The following AKR1C4 variants were observed in gnomAD, a reference collection of about 807,000 sequenced individuals.
AKR1C4 encodes 3-alpha-HSD1.
AKR1C4 carries 44 observed loss-of-function variants against 41.0 expected under a neutral mutation model. The observed-to-expected ratio is 1.07, with a 90% CI of 0.84 to 1.38. AKR1C4 has a LOEUF of 1.38. Among genes scored for constraint, AKR1C4 ranks in the 40% most tolerant of loss-of-function variants. The pLI is 0.00. For missense variants in AKR1C4, 438 were observed against 387.9 expected, an observed-to-expected ratio of 1.13 and a Z score of -1.09; for synonymous variants, 165 against 137.7, an observed-to-expected ratio of 1.20 and a Z score of -1.39.
intron 7 of AKR1C4, among the ~76,000 whole-genome samples, chr10:5,215,757 C>G (rs76072956): frequency 0.012 from 1,896 of 152,218 alleles, 26 homozygotes; most frequent in Non-Finnish European, 0.02. Flanking sequence ...CCTCATTAGC[C>G]TAAACTTAGT....
rs368641464 is a variant in AKR1C4, at chr10:5,213,150, G to A, written c.837G>A (p.Glu279=). The change falls in exon 7 of 9, where the codon GAG becomes GAA. Residue 279 remains glutamate (E), a synonymous_variant. Transcript: ENST00000263126. The stretch of plus-strand genomic sequence containing the variant: ...GCTACAATGAGCAGCGGATCAGAGA[G>A]AACATCCAGGTGAGGAGTTGGGTGG... ...AKSYNEQRIR[E]NIQVFEFQLT... is the part of the protein sequence containing the mutation. 4.3e-6 allele frequency: 7 copies of A among 1,613,366 alleles called. No individual in the cohort carries two copies. The African/African-American group carries it at 5.3e-5, about 12-fold the overall frequency.
chr10:5,206,501 A>G, intron 5 of AKR1C4, 104 bp downstream of exon 5: 1 of 1,562,708 alleles, frequency 6.4e-7, no homozygotes, highest in Non-Finnish European at 8.7e-7. Flanking sequence ...GTGAAACAGA[A>G]GATTCTAGAA....
intron 8 of AKR1C4, among the ~76,000 whole-genome samples, chr10:5,218,339 T>C (rs1043376230): frequency 2.6e-5 from 4 of 152,228 alleles, no homozygotes; most frequent in African/African-American, 4.8e-5. Flanking sequence ...TTTTTGTTAA[T>C]GATGAACATA....
chr10:5,202,789 C>G (rs1554797063), intron 2 of AKR1C4, among the ~76,000 whole-genome samples: 1 of 151,894 alleles, frequency 6.6e-6, no homozygotes, highest in African/African-American at 2.4e-5. Context: ...TATTTATTGG[C>G]TTGTATATAT....
At chr10:5,204,302 A>T in intron 2 of AKR1C4, 75 bp from the exon 3 acceptor site, 1 of 1,171,764 alleles carries the variant, frequency 8.5e-7, no homozygotes, top group Non-Finnish European at 1.3e-6. Flanking sequence ...AAAAATGTCT[A>T]AATATTAGGT....
At chr10:5,212,502 G>A (rs1010788401) in intron 5 of AKR1C4, 114 bp from the exon 6 acceptor site, 23 of 925,052 alleles carry the variant, frequency 2.5e-5, no homozygotes, top group African/African-American at 1.8e-4. Flanking sequence ...ATTGTTACTT[G>A]ACAGTAATAT....
chr10:5,208,644 T>G (rs1832524982), intron 5 of AKR1C4, among the ~76,000 whole-genome samples: 1 of 151,566 alleles, frequency 6.6e-6, no homozygotes, highest in Non-Finnish European at 1.5e-5. Flanking sequence ...ATTCTCCCAG[T>G]AACAGTGCAA....
At chr10:5,214,083 T>A (rs1832616274) in intron 7 of AKR1C4, among the ~76,000 whole-genome samples, 1 of 152,026 alleles carries the variant, frequency 6.6e-6, no homozygotes, top group African/African-American at 2.4e-5. Context: ...TAATATCTTA[T>A]AAAAGTATTA....
chr10:5,215,392 A>T lies in AKR1C4; in HGVS notation c.847-1319A>T, dbSNP rs1832640474. Among the ~76,000 whole-genome samples the T allele has an allele frequency of 3.3e-5, 5 of 152,174 alleles. No homozygotes were observed. In the South Asian group the frequency reaches 1.0e-3, roughly 32 times the overall value. ...TGTTTTGTGCTGCTGTAAAAAAAAT[A>T]CTTGATGCTGGGCAATTTATACAGA... On this transcript the variant is annotated intron_variant, in intron 7 of 8. Coordinates refer to ENST00000263126, the MANE Select transcript of AKR1C4 (RefSeq NM_001818.5).
chr10:5,215,614 A>AC (rs1171958662), intron 7 of AKR1C4, among the ~76,000 whole-genome samples: 1 of 152,154 alleles, frequency 6.6e-6, no homozygotes, highest in Admixed American at 6.5e-5. Flanking sequence ...TCCACCAGAT[A>AC]CCCTTAGTCA....
In AKR1C4 at chr10:5,200,359, T is replaced by C. The variant is rs782265599; in HGVS notation, c.252+11T>C. ...TTCTACACTTCAAAGGTACTGTGCC[T>C]ATGATGAGCATGTATGCACATGTGT... On this transcript the variant is annotated intron_variant, in intron 2 of 8. Coordinates refer to ENST00000263126, the MANE Select transcript of AKR1C4 (RefSeq NM_001818.5). The C allele has an allele frequency of 3.7e-6, 6 of 1,609,616 alleles. No homozygotes were observed. Among genetic ancestry groups the C allele is most frequent in the Non-Finnish European group, 5.1e-6 (6 of 1,177,750 alleles).
rs1832474890 is a variant in AKR1C4, at chr10:5,205,796, G to T, written c.409G>T (p.Val137Leu). The T allele has an allele frequency of 1.9e-6, 3 of 1,613,606 alleles. No individual in the cohort carries two copies. The highest frequency in any genetic ancestry group is 1.7e-4 in the Middle Eastern group (1 of 6,060). The change falls in exon 4 of 9, where the codon GTA becomes TTA. Residue 137 changes from valine to leucine, a missense_variant. By Grantham distance (32) the Val-to-Leu change is conservative. Transcript: ENST00000263126. Reference protein sequence around the residue: ...TPLPKDENGKVIFDTVDLSAT... With the variant: ...TPLPKDENGKLIFDTVDLSAT... ...ACTACCAAAAGATGAAAATGGAAAA[G>T]TAATATTCGACACAGTGGATCTCTC...
At chr10:5,212,519 C>T in intron 5 of AKR1C4, 97 bp from the exon 6 acceptor site, 4 of 1,118,962 alleles carry the variant, frequency 3.6e-6, no homozygotes, top group Non-Finnish European at 2.5e-6. Context: ...ATATTCTGTT[C>T]AAATTTAATG....
At chr10:5,198,731 A>T (rs556201962) in intron 1 of AKR1C4, among the ~76,000 whole-genome samples, 1 of 152,302 alleles carries the variant, frequency 6.6e-6, no homozygotes, top group East Asian at 1.9e-4. Flanking sequence ...AGGAGTGTGT[A>T]TGCAGTGACT....
At chr10:5,201,067 CAT>C (rs146388305) in intron 2 of AKR1C4, among the ~76,000 whole-genome samples, 3,499 of 152,024 alleles carry the variant, frequency 0.023, 143 homozygotes, top group African/African-American at 0.079. Flanking sequence ...CTGCTGTAAA[CAT>C]GTGTGGGTAT....
Position 5,212,684 on chromosome 10 carries a change from G to A in AKR1C4, c.639G>A (p.Leu213=), listed in dbSNP as rs1407622959. Residue 213 remains leucine (L), a synonymous_variant, in exon 6 of 9, where the codon CTG becomes CTA. Transcript: ENST00000263126. ...TCTGCAAGTCAAAAGACATTGTTCT[G>A]GTTGCCCACAGTGCTCTGGGAACCC... The part of the protein sequence containing the change: ...LDFCKSKDIV[L]VAHSALGTQR... 6.2e-6 allele frequency: 10 copies of A among 1,613,864 alleles called. No individual in the cohort carries two copies. Among genetic ancestry groups the A allele is most frequent in the East Asian group, 2.2e-5 (1 of 44,898 alleles).
intron 7 of AKR1C4, among the ~76,000 whole-genome samples, chr10:5,216,237 A>AG (rs1235411871): frequency 4.6e-5 from 7 of 152,318 alleles, no homozygotes; most frequent in South Asian, 2.1e-4. Flanking sequence ...TACCATGGGG[A>AG]GGGCACCCAG....
At chr10:5,211,891 C>A (rs1376959576) in intron 5 of AKR1C4, among the ~76,000 whole-genome samples, 1 of 152,144 alleles carries the variant, frequency 6.6e-6, no homozygotes, top group Admixed American at 6.5e-5. Flanking sequence ...TGGACAGCAG[C>A]AGGCAAAGAG....
rs376485622 is a variant in AKR1C4, at chr10:5,205,929, G to A, written c.447+95G>A. 159 of 1,275,294 alleles carry A rather than the reference G, an allele frequency of 1.2e-4. 1 individual carries two copies. In the South Asian group the frequency reaches 2.1e-3, roughly 17 times the overall value. The allele number at this position is 1,275,294 out of a possible 1,614,324, so 79.0% of individuals were successfully genotyped here. A position where few individuals can be genotyped will look rare whatever the true frequency, so the allele number is the denominator to read the frequency against. On this transcript the variant is annotated intron_variant, in intron 4 of 8. Coordinates refer to ENST00000263126, the MANE Select transcript of AKR1C4 (RefSeq NM_001818.5). ...ATGCAACATTGGAATATGCACCATT[G>A]GAACTAGAAATTAAGGAGCTTGACA...
Sources: allele counts gnomAD v4.1 joint callset (sites outside exome capture counted in the v4.1 genomes callset), GRCh38; gene constraint gnomAD v4.1.1; transcripts MANE v1.5; gene names NCBI Gene and HGNC (gene_info 2026-07-23, HGNC 2026-07-21).